The following PRKCZ variants were observed in gnomAD, a reference collection of about 807,000 sequenced individuals.
PRKCZ encodes the protein protein kinase C zeta type.
Under a neutral mutation model 79.5 loss-of-function variants are expected in PRKCZ, and 33 were observed. The observed-to-expected ratio is 0.41, with a 90% CI of 0.31 to 0.55. The LOEUF (loss-of-function observed/expected upper bound fraction) is 0.55, where lower values mean the gene tolerates loss of function less well. PRKCZ is among the 20% of genes least tolerant of loss of function. The pLI, the probability that PRKCZ is intolerant of heterozygous loss-of-function variation, is 0.19. For synonymous variants in PRKCZ, 342 were observed against 320.9 expected, an observed-to-expected ratio of 1.07 and a Z score of -0.70; for missense variants, 578 against 813.5, an observed-to-expected ratio of 0.71 and a Z score of 3.52.
intron 10 of PRKCZ, among the ~76,000 whole-genome samples, chr1:2,164,045 C>G (rs942924672): frequency 6.6e-6 from 1 of 152,208 alleles, no homozygotes; most frequent in African/African-American, 2.4e-5. Flanking sequence ...TTGAACCATC[C>G]TTAGATTCCT....
intron 7 of PRKCZ, 73 bp from the exon 8 acceptor site, chr1:2,148,799 C>T: frequency 6.7e-7 from 1 of 1,486,040 alleles, no homozygotes; most frequent in South Asian, 1.1e-5. Context: ...GAGCAAGGTC[C>T]ACAGGGTCGC....
intron 10 of PRKCZ, among the ~76,000 whole-genome samples, chr1:2,161,548 G>C (rs1383808601): frequency 6.6e-6 from 1 of 152,230 alleles, no homozygotes; most frequent in African/African-American, 2.4e-5. Context: ...CTGATGTGGT[G>C]TCACAGGCCA....
rs917334879 is a variant in PRKCZ, at chr1:2,067,796, A to T, written c.334+8205A>T. Among the ~76,000 whole-genome samples the T allele has an allele frequency of 2.0e-5, 3 of 152,192 alleles. No individual in the cohort carries two copies. In the East Asian group the frequency reaches 5.8e-4, roughly 29 times the overall value. On this transcript the variant is annotated intron_variant, in intron 4 of 17. Coordinates refer to ENST00000378567, the MANE Select transcript of PRKCZ (RefSeq NM_002744.6). ...GCCCCTCCTTGCTGTATCTGGTCAC[A>T]CAGAAATGGTATGTGTGATTTTTGT...
At chr1:2,058,957 TAC>T (rs1390451418) in intron 3 of PRKCZ, among the ~76,000 whole-genome samples, 2 of 152,038 alleles carry the variant, frequency 1.3e-5, no homozygotes. Context: ...TTTATGTGTA[TAC>T]ACACACACAT....
At chr1:2,076,575 C>G (rs945627325) in intron 4 of PRKCZ, among the ~76,000 whole-genome samples, 3 of 152,038 alleles carry the variant, frequency 2.0e-5, no homozygotes, top group African/African-American at 7.3e-5. Flanking sequence ...AACCCCGGCT[C>G]TACTAAAAAT....
chr1:2,102,395 C>CA (rs1298431201), intron 4 of PRKCZ, among the ~76,000 whole-genome samples: 2 of 151,424 alleles, frequency 1.3e-5, no homozygotes, highest in Admixed American at 6.6e-5. Flanking sequence ...TGCAGTGGTG[C>CA]AATCTTGGCT....
At position 2,059,558 on chromosome 1, in the gene PRKCZ, G is replaced by A; in HGVS notation, c.301G>A (p.Glu101Lys). Residue 101 changes from glutamate to lysine, a missense_variant, in exon 4 of 18, where the codon GAG (glutamate) becomes AAG (lysine). By Grantham distance (56) the Glu-to-Lys change is moderately conservative (BLOSUM62 1). Around this residue, in one of 4 missense-constraint regions of PRKCZ, gnomAD observed 228 missense variants for 211.6 expected, o/e 1.08. Coordinates refer to ENST00000378567, the MANE Select transcript of PRKCZ (RefSeq NM_002744.6). ...LIIHVFPSTP[E>K]QPGLPCPGED... Reference sequence around the variant, plus strand: ...TTGTCCAGTTTTCCCGAGCACCCCTGAGCAGCCTGGCCTGCCATGTCCGGG... The same window carrying A: ...TTGTCCAGTTTTCCCGAGCACCCCTAAGCAGCCTGGCCTGCCATGTCCGGG... 1 of 1,614,214 alleles carries A rather than the reference G, an allele frequency of 6.2e-7. No individual in the cohort carries two copies. The highest frequency in any genetic ancestry group is 8.5e-7 in the Non-Finnish European group (1 of 1,180,036).
rs1435062980 is a variant in PRKCZ, at chr1:2,075,968, G to A, written c.334+16377G>A. ...TGGAGGTTGAACTGTTGGGGGGCGG[G>A]AGGACCATCCATGGGGTCAGGCACC... On this transcript the variant is annotated intron_variant, in intron 4 of 17. Transcript: ENST00000378567. This position sits in a 1 kb window ranked among gnomAD's most constrained non-coding sequence, Gnocchi z 4.8. Among the ~76,000 whole-genome samples, 2 of 152,226 alleles carry A rather than the reference G, an allele frequency of 1.3e-5. No homozygotes were observed. The highest frequency in any genetic ancestry group is 2.9e-5 in the Non-Finnish European group (2 of 68,030).
intron 4 of PRKCZ, among the ~76,000 whole-genome samples, chr1:2,088,976 A>T (rs1665012917): frequency 6.6e-6 from 1 of 152,128 alleles, no homozygotes; most frequent in South Asian, 2.1e-4. Context: ...ATCGTTTTTA[A>T]TTTCATTCTG....
chr1:2,120,311 T>A (rs201635020), intron 4 of PRKCZ, among the ~76,000 whole-genome samples: 1 of 136,204 alleles, frequency 7.3e-6, no homozygotes, highest in East Asian at 2.1e-4. Context: ...TTTTTTTTTT[T>A]TTTTTTTTTT....
chr1:2,114,485 A>C (rs891013802), intron 4 of PRKCZ, among the ~76,000 whole-genome samples: 4 of 152,236 alleles, frequency 2.6e-5, no homozygotes, highest in Non-Finnish European at 4.4e-5. Context: ...CTGAAGAAAA[A>C]GATAAGATGA....
intron 4 of PRKCZ, among the ~76,000 whole-genome samples, chr1:2,079,641 C>T (rs570554547): frequency 2.0e-5 from 3 of 152,226 alleles, no homozygotes; most frequent in Non-Finnish European, 4.4e-5. Context: ...CAACGCTGGC[C>T]CCGCGGCTGC....
In PRKCZ at chr1:2,174,927, G is replaced by A. The variant is rs889890891; in HGVS notation, c.1485+94G>A. 2.8e-5 allele frequency: 37 copies of A among 1,305,340 alleles called. No individual in the cohort carries two copies. The highest frequency in any genetic ancestry group is 4.4e-5 in the African/African-American group (3 of 68,572). 80.9% of individuals were successfully genotyped at this position (1,305,340 alleles called of 1,614,324 possible). ...CGGCTGTTGGCCATTTTTTCATGTC[G>A]GCTGCTGTGTATCGGGTGTGTGGGT... On this transcript the variant is annotated intron_variant, in intron 15 of 17. Transcript: ENST00000378567. The surrounding 1 kb of genome is among the most constrained non-coding windows in gnomAD (Gnocchi z 6.2).
At chr1:2,164,007 TG>T (rs1206846397) in intron 10 of PRKCZ, among the ~76,000 whole-genome samples, 1 of 152,188 alleles carries the variant, frequency 6.6e-6, no homozygotes, top group Non-Finnish European at 1.5e-5. Context: ...CTGGAATGAA[TG>T]GTGTCATCGT....
chr1:2,073,761 C>T, intron 4 of PRKCZ: 1 of 1,009,596 alleles, frequency 9.9e-7, no homozygotes, highest in African/African-American at 1.7e-5. Context: ...GACAGCCGGC[C>T]TTCCGTTAAA....
In PRKCZ at chr1:2,174,050, C is replaced by T. The variant is rs1215450502; in HGVS notation, c.1405+34C>T. The T allele has an allele frequency of 1.9e-6, 3 of 1,549,328 alleles. No homozygotes were observed. Among genetic ancestry groups the T allele is most frequent in the African/African-American group, 1.4e-5 (1 of 72,800 alleles). ...CCCGCTGTGCGTTCGTACCCCTCAC[C>T]TGCACGACTGTCTTCCTTCCTTTTC... On this transcript the variant is annotated intron_variant, in intron 14 of 17. Coordinates refer to ENST00000378567, the MANE Select transcript of PRKCZ (RefSeq NM_002744.6). The surrounding 1 kb of genome is among the most constrained non-coding windows in gnomAD (Gnocchi z 6.2).
chr1:2,072,725 G>A (rs903840626), intron 4 of PRKCZ, among the ~76,000 whole-genome samples: 24 of 152,156 alleles, frequency 1.6e-4, no homozygotes, highest in Non-Finnish European at 1.5e-5. Flanking sequence ...TTGGCCTCTC[G>A]GGGCCGTCCC....
intron 5 of PRKCZ, among the ~76,000 whole-genome samples, chr1:2,139,727 GT>G (rs1158544605): frequency 4.6e-5 from 7 of 152,252 alleles, no homozygotes; most frequent in Admixed American, 2.0e-4. Flanking sequence ...GTGCAGCGAT[GT>G]TCCCATCCTG....
chr1:2,150,431 G>GC (rs547838838), intron 8 of PRKCZ, among the ~76,000 whole-genome samples: 9 of 152,316 alleles, frequency 5.9e-5, no homozygotes, highest in Admixed American at 2.6e-4. Context: ...GGAAGGATGG[G>GC]CCCAGGCCCT....
Sources: gnomAD v4.1 joint callset for allele counts (sites outside exome capture counted in the v4.1 genomes callset) on GRCh38, gnomAD v4.1.1 for gene constraint, gnomAD v4.1.1 regional missense constraint, Gnocchi (gnomAD v3.1) non-coding constraint, MANE v1.5 for transcripts, NCBI Gene and HGNC (gene_info 2026-07-23, HGNC 2026-07-21) for gene names.